DMD: variants seen among roughly 807,000 people sequenced by gnomAD.
DMD encodes mutant dystrophin.
DMD carries 63 observed loss-of-function variants against 330.1 expected under a neutral mutation model. The ratio of observed to expected loss-of-function variants is 0.19; its 90% CI spans 0.16 to 0.24. The LOEUF (loss-of-function observed/expected upper bound fraction) is 0.24, where lower values mean the gene tolerates loss of function less well. DMD is among the 10% of genes least tolerant of loss of function. The pLI is 1.00. For synonymous variants in DMD, 1,223 were observed against 959.8 expected (o/e 1.27, Z -5.07); for missense variants, 3,344 against 2,684.1 (o/e 1.25, Z -5.43).
At chrX:32,658,970 T>C (rs754631422) in intron 9 of DMD, among the ~76,000 whole-genome samples, 4 of 111,897 alleles carry the variant, frequency 3.6e-5, no homozygotes, top group African/African-American at 9.7e-5. Context: ...TAGAGGGTAA[T>C]TGTAAGGCTC....
intron 59 of DMD, among the ~76,000 whole-genome samples, chrX:31,463,924 C>A (rs2066690687): frequency 1.8e-5 from 2 of 111,567 alleles, no homozygotes; most frequent in Admixed American, 1.9e-4. Context: ...TCAATCATAT[C>A]ATGAATTAAT....
intron 64 of DMD, among the ~76,000 whole-genome samples, chrX:31,213,684 T>C (rs1305008907): frequency 8.9e-6 from 1 of 111,990 alleles, no homozygotes; most frequent in African/African-American, 3.2e-5. Flanking sequence ...CAAGGAACTC[T>C]AGATTCGTAA....
chrX:31,981,032 C>T (rs1468270764), intron 44 of DMD, among the ~76,000 whole-genome samples: 1 of 111,703 alleles, frequency 9.0e-6, no homozygotes, highest in Non-Finnish European at 1.9e-5. Context: ...AGGCTGATTG[C>T]CAAACCTCAG....
At chrX:31,854,964 C>T (rs1394877540) in intron 48 of DMD, among the ~76,000 whole-genome samples, 1 of 111,530 alleles carries the variant, frequency 9.0e-6, no homozygotes, top group Non-Finnish European at 1.9e-5. Flanking sequence ...GCCAAATTCC[C>T]CTGGAATCAT....
At chrX:31,950,009 C>T (rs1428963300) in intron 45 of DMD, among the ~76,000 whole-genome samples, 2 of 110,117 alleles carry the variant, frequency 1.8e-5, no homozygotes, top group Non-Finnish European at 3.8e-5. Flanking sequence ...TCTGCTCTAA[C>T]CCCCGTTATT....
intron 7 of DMD, among the ~76,000 whole-genome samples, chrX:32,758,703 A>G (rs1335155419): frequency 9.0e-6 from 1 of 111,046 alleles, no homozygotes; most frequent in Non-Finnish European, 1.9e-5. Context: ...TATTCTCAAG[A>G]TTACGAGATA....
rs79514955 is a variant in DMD, at chrX:31,834,301, G to A, written c.7200+2417C>T. ...GAGGTCATTTTTTGAGCCTCTAGGT[G>A]TTTCAGGCTACCGCAAACCCCAGCT... On this transcript the variant is annotated intron_variant, in intron 49 of 78. Transcript: ENST00000357033. Among the ~76,000 whole-genome samples, 395 of 111,621 alleles carry A rather than the reference G, an allele frequency of 3.5e-3. 10 individuals are homozygous for A. In the East Asian group the frequency reaches 0.091, roughly 26 times the overall value.
chrX:33,200,210 G>T (rs1405125050), intron 1 of DMD, among the ~76,000 whole-genome samples: 2 of 111,006 alleles, frequency 1.8e-5, no homozygotes, highest in Non-Finnish European at 3.8e-5. Flanking sequence ...ATAATTATAT[G>T]TTTGTTACAA....
intron 1 of DMD, among the ~76,000 whole-genome samples, chrX:33,170,742 A>G (rs1165058320): frequency 8.9e-6 from 1 of 111,779 alleles, no homozygotes; most frequent in Non-Finnish European, 1.9e-5. Context: ...CAATGGCCAT[A>G]GATGGCAAGT....
At position 31,822,650 on chromosome X, in the gene DMD, A is replaced by AG. The variant is rs34299113; in HGVS notation, c.7201-2568dup. Among the ~76,000 whole-genome samples, 125 of 14,370 alleles carry AG rather than the reference A, an allele frequency of 8.7e-3. 2 individuals carry two copies. The highest frequency in any genetic ancestry group is 0.025 in the Middle Eastern group (1 of 40). 12.5% of individuals were successfully genotyped at this position (14,370 alleles called of 115,157 possible). ...GCTTTGGCCATACAGAAAAAGGCAGAGGGGTGTGTGTGTGTGTGTGTGTGT... is the reference window on the plus strand; with the variant it reads ...GCTTTGGCCATACAGAAAAAGGCAGAGGGGGTGTGTGTGTGTGTGTGTGTGT... On this transcript the variant is annotated intron_variant, in intron 49 of 78. Coordinates refer to ENST00000357033, the MANE Select transcript of DMD (RefSeq NM_004006.3).
chrX:32,252,723 TAA>T (rs2097272840), intron 43 of DMD, among the ~76,000 whole-genome samples: 1 of 42,576 alleles, frequency 2.3e-5, no homozygotes, highest in Non-Finnish European at 3.6e-5. Context: ...TAAATATATA[TAA>T]ATATATAAAT....
At chrX:32,760,536 G>A (rs2072142386) in intron 7 of DMD, among the ~76,000 whole-genome samples, 1 of 111,679 alleles carries the variant, frequency 9.0e-6, no homozygotes, top group Non-Finnish European at 1.9e-5. Context: ...TGTCCCTTGA[G>A]ATTAGAGACA....
intron 43 of DMD, among the ~76,000 whole-genome samples, chrX:32,229,713 TATATATATA>T: frequency 1.2e-5 from 1 of 81,859 alleles, no homozygotes; most frequent in Non-Finnish European, 2.3e-5. Context: ...TATATATATA[TATATATATA>T]TATAAAATCA....
chrX:32,226,805 T>G, intron 43 of DMD, among the ~76,000 whole-genome samples: 1 of 111,154 alleles, frequency 9.0e-6, no homozygotes, highest in Middle Eastern at 4.7e-3. Context: ...TTATCGATAT[T>G]AATACAGTTA....
intron 52 of DMD, among the ~76,000 whole-genome samples, chrX:31,688,572 C>G (rs1310609806): frequency 1.8e-5 from 2 of 111,780 alleles, no homozygotes; most frequent in Admixed American, 1.9e-4. Context: ...CCTTCTAAAA[C>G]TATTCCAATC....
intron 62 of DMD, 143 bp from the exon 63 acceptor site, chrX:31,261,159 T>G: frequency 4.0e-6 from 2 of 499,431 alleles, no homozygotes; most frequent in Non-Finnish European, 3.4e-6. Flanking sequence ...TTCCATAGTG[T>G]ATTGAAGAAA....
intron 17 of DMD, among the ~76,000 whole-genome samples, chrX:32,528,315 G>GA (rs111560517): frequency 0.024 from 2,566 of 107,687 alleles, 57 homozygotes; most frequent in Admixed American, 0.074. Context: ...TCTCAAAAAA[G>GA]AAAAAAAAAT....
intron 73 of DMD, among the ~76,000 whole-genome samples, chrX:31,170,548 G>A (rs1416947352): frequency 9.0e-6 from 1 of 111,400 alleles, no homozygotes; most frequent in Non-Finnish European, 1.9e-5. Context: ...AAGATGATAC[G>A]CTAATATTCT....
chrX:32,713,724 C>A (rs1170767320), intron 7 of DMD, among the ~76,000 whole-genome samples: 1 of 111,454 alleles, frequency 9.0e-6, no homozygotes, highest in East Asian at 2.8e-4. Flanking sequence ...TAAAATAATA[C>A]AAATATAGAT....
Sources: gnomAD v4.1 joint callset for allele counts (sites outside exome capture counted in the v4.1 genomes callset) on GRCh38, gnomAD v4.1.1 for gene constraint, MANE v1.5 for transcripts, NCBI Gene and HGNC (gene_info 2026-07-23, HGNC 2026-07-21) for gene names.